AP2A2: variants seen among roughly 807,000 people sequenced by gnomAD.
AP2A2 encodes the protein AP-2 complex subunit alpha-2.
In AP2A2, 32 loss-of-function variants were observed where a neutral mutation model predicts 104.2. That is an observed-to-expected ratio of 0.31 (90% CI 0.23 to 0.41). AP2A2 has a LOEUF of 0.41. Among genes scored for constraint, AP2A2 ranks in the 10% least tolerant of loss-of-function variants. AP2A2 has a pLI of 1.00. For missense variants in AP2A2, 912 were observed against 1,261.0 expected, an observed-to-expected ratio of 0.72 and a Z score of 4.19; for synonymous variants, 539 against 533.3, an observed-to-expected ratio of 1.01 and a Z score of -0.15.
rs554879840 is a variant in AP2A2, at chr11:926,101, G to T, written c.67+13G>T. 1.5e-5 allele frequency: 20 copies of T among 1,303,554 alleles called. No individual in the cohort carries two copies. The highest frequency in any genetic ancestry group is 1.1e-4 in the Admixed American group (3 of 28,394). The allele number at this position is 1,303,554 out of a possible 1,614,324, so 80.7% of individuals were successfully genotyped here. ...GATATCCGCAACTGTGAGTGGCGGG[G>T]GCGGCGTGGGGCCGGGGCCGGGGCC... On this transcript the variant is annotated intron_variant, in intron 1 of 21. Transcript: ENST00000448903.
chr11:963,664 T>C (rs1308677953), intron 2 of AP2A2, among the ~76,000 whole-genome samples: 12 of 152,226 alleles, frequency 7.9e-5, no homozygotes, highest in Admixed American at 7.9e-4. Context: ...GATCTTGCTC[T>C]GTTGACCAGG....
intron 15 of AP2A2, among the ~76,000 whole-genome samples, chr11:1,002,316 G>T (rs953544476): frequency 3.9e-5 from 6 of 152,274 alleles, no homozygotes; most frequent in African/African-American, 1.4e-4. Context: ...GCCTCGGCCG[G>T]CTCCTCCTGT....
chr11:1,006,676 G>C, intron 17 of AP2A2, 59 bp downstream of exon 17: 1 of 1,336,336 alleles, frequency 7.5e-7, no homozygotes, highest in Non-Finnish European at 1.0e-6. Flanking sequence ...CTTAGAGGAG[G>C]CTTTTGAGGA....
intron 10 of AP2A2, among the ~76,000 whole-genome samples, chr11:991,808 G>A (rs893741321): frequency 5.3e-5 from 8 of 152,066 alleles, no homozygotes; most frequent in Non-Finnish European, 8.8e-5. Context: ...GGGTGCCCTC[G>A]GGAGGTGCGC....
In AP2A2 at chr11:1,011,429, G is replaced by A. The variant is rs1377736133; in HGVS notation, c.*804G>A. 6.0e-6 allele frequency: 3 copies of A among 502,652 alleles called. No individual in the cohort carries two copies. The highest frequency in any genetic ancestry group is 2.1e-5 in the Admixed American group (1 of 48,520). The allele number at this position is 502,652 out of a possible 1,614,324, so 31.1% of individuals were successfully genotyped here. On this transcript the variant is annotated 3_prime_UTR_variant, in exon 22 of 22. Transcript: ENST00000448903. ...GTCAGAGTGGGCGTCCCCAGGCCACGGTGCAGGCCTGAGTCCTTCCACCGG... is the reference window on the plus strand; with the variant it reads ...GTCAGAGTGGGCGTCCCCAGGCCACAGTGCAGGCCTGAGTCCTTCCACCGG...
At chr11:989,744 G>C (rs1047612451) in intron 10 of AP2A2, among the ~76,000 whole-genome samples, 44 of 152,190 alleles carry the variant, frequency 2.9e-4, no homozygotes, top group African/African-American at 9.9e-4. Flanking sequence ...AGGGCCTGAG[G>C]CCTCCACCAC....
Position 1,009,941 on chromosome 11 carries a change from C to T in AP2A2, c.2742+124C>T, listed in dbSNP as rs2133798003. On this transcript the variant is annotated intron_variant, in intron 21 of 21. Coordinates refer to ENST00000448903, the MANE Select transcript of AP2A2 (RefSeq NM_012305.4). Reference sequence around the variant, plus strand: ...GTTTTGACAGATGTTGTTTAACCACCACCCTGTCAATACATGGTTGCCTCC... The same window carrying T: ...GTTTTGACAGATGTTGTTTAACCACTACCCTGTCAATACATGGTTGCCTCC... 3.2e-6 allele frequency: 4 copies of T among 1,265,910 alleles called. No homozygotes were observed. In the South Asian group the frequency reaches 5.9e-5, roughly 19 times the overall value. 78.4% of individuals were successfully genotyped at this position (1,265,910 alleles called of 1,614,324 possible). A position where few individuals can be genotyped will look rare whatever the true frequency, so the allele number is the denominator to read the frequency against.
chr11:981,335 G>A (rs1855231796), intron 6 of AP2A2, 36 bp downstream of exon 6: 13 of 1,493,324 alleles, frequency 8.7e-6, no homozygotes, highest in Non-Finnish European at 1.1e-5. Flanking sequence ...AGTCAGGGTG[G>A]GTTTTGTCTT....
At chr11:937,385 C>T (rs1853493773) in intron 1 of AP2A2, among the ~76,000 whole-genome samples, 4 of 152,116 alleles carry the variant, frequency 2.6e-5, no homozygotes, top group Admixed American at 2.6e-4. Context: ...GCCTTCAGTG[C>T]CGTGAGCGCA....
intron 10 of AP2A2, among the ~76,000 whole-genome samples, chr11:989,569 G>A (rs568267111): frequency 6.6e-6 from 1 of 152,218 alleles, no homozygotes; most frequent in South Asian, 2.1e-4. Context: ...GGAAGGACGG[G>A]ATCTAGGCCA....
intron 2 of AP2A2, among the ~76,000 whole-genome samples, chr11:967,650 A>G (rs548758737): frequency 3.3e-5 from 5 of 152,116 alleles, no homozygotes; most frequent in Non-Finnish European, 4.4e-5. Flanking sequence ...GTGAGCCACC[A>G]TGCGCGGCCC....
chr11:941,850 G>A (rs1159458295), intron 1 of AP2A2, among the ~76,000 whole-genome samples: 1 of 152,146 alleles, frequency 6.6e-6, no homozygotes, highest in African/African-American at 2.4e-5. Flanking sequence ...GCCTCCCAAA[G>A]TGGTGGGATT....
rs1853101363 is a variant in AP2A2, at chr11:925,907, G to A, written c.-115G>A. 2 of 779,638 alleles carry A rather than the reference G, an allele frequency of 2.6e-6. No individual in the cohort carries two copies. The highest frequency in any genetic ancestry group is 1.8e-5 in the African/African-American group (1 of 54,120). 48.3% of individuals were successfully genotyped at this position (779,638 alleles called of 1,614,324 possible). ...TGGGACCCTGAGGCGGCCGTGGTTAGGCGGCTCCCCGGCGGCTCCTCCGCG... is the reference window on the plus strand; with the variant it reads ...TGGGACCCTGAGGCGGCCGTGGTTAAGCGGCTCCCCGGCGGCTCCTCCGCG... On this transcript the variant is annotated 5_prime_UTR_variant, in exon 1 of 22. Transcript: ENST00000448903.
At chr11:954,850 C>T (rs963568110) in intron 1 of AP2A2, among the ~76,000 whole-genome samples, 19 of 152,154 alleles carry the variant, frequency 1.2e-4, no homozygotes, top group African/African-American at 4.6e-4. Context: ...CTGCCTGTTT[C>T]TCCTGGTGGT....
At chr11:971,563 C>T (rs1345900883) in intron 3 of AP2A2, among the ~76,000 whole-genome samples, 1 of 151,768 alleles carries the variant, frequency 6.6e-6, no homozygotes, top group Non-Finnish European at 1.5e-5. Flanking sequence ...TGACACAGGA[C>T]TGGGGTTTGC....
intron 1 of AP2A2, among the ~76,000 whole-genome samples, chr11:936,826 C>A (rs976174926): frequency 3.3e-5 from 5 of 152,076 alleles, no homozygotes; most frequent in Non-Finnish European, 5.9e-5. Flanking sequence ...TACAAGGCAG[C>A]ACCACCGCAG....
intron 5 of AP2A2, among the ~76,000 whole-genome samples, chr11:977,596 G>A (rs899528623): frequency 4.0e-5 from 6 of 151,352 alleles, no homozygotes; most frequent in Non-Finnish European, 5.9e-5. Context: ...CCTACTCCAC[G>A]GGCCAGGCCC....
intron 1 of AP2A2, chr11:933,529 GGT>G (rs1163986119): frequency 2.2e-6 from 1 of 456,260 alleles, no homozygotes; most frequent in South Asian, 1.5e-5. Context: ...GAAGCTGTGT[GGT>G]AAGATGAGCT....
At chr11:960,543 G>T (rs917815771) in intron 2 of AP2A2, among the ~76,000 whole-genome samples, 1 of 151,946 alleles carries the variant, frequency 6.6e-6, no homozygotes, top group African/African-American at 2.4e-5. Context: ...CGGCCCAGCT[G>T]ATTTTTGTAC....
Sources: allele counts gnomAD v4.1 joint callset (sites outside exome capture counted in the v4.1 genomes callset), GRCh38; gene constraint gnomAD v4.1.1; transcripts MANE v1.5; gene names NCBI Gene and HGNC (gene_info 2026-07-23, HGNC 2026-07-21).